The following KIF11 variants were observed in gnomAD, a reference collection of about 807,000 sequenced individuals.
KIF11 encodes the protein kinesin family member 11, also known as kinesin-like protein KIF11.
A neutral mutation model predicts 121.0 loss-of-function variants in KIF11; 9 were observed. The observed-to-expected ratio is 0.07, with a 90% CI of 0.04 to 0.13. The LOEUF (loss-of-function observed/expected upper bound fraction) is 0.13, where lower values mean the gene tolerates loss of function less well. KIF11 is among the 10% of genes least tolerant of loss of function. The pLI is 1.00. For synonymous variants in KIF11, 408 were observed against 421.0 expected (o/e 0.97, Z 0.38); for missense variants, 846 against 1,217.5 (o/e 0.69, Z 4.54).
chr10:92,604,632 G>T (rs1336521596), intron 1 of KIF11, among the ~76,000 whole-genome samples: 1 of 152,146 alleles, frequency 6.6e-6, no homozygotes, highest in Non-Finnish European at 1.5e-5. Flanking sequence ...TACTTAGAGT[G>T]GGCTGTGCCA....
rs1263182028 is a variant in KIF11 at position 92,631,779 on chromosome 10, G to A, written c.1495-707G>A. Among the ~76,000 whole-genome samples, 4 of 149,284 alleles carry A rather than the reference G, an allele frequency of 2.7e-5. No individual in the cohort carries two copies. The South Asian group carries it at 8.5e-4, about 32-fold the overall frequency. ...TAACCTTTGCCTCCCGGGTTCAAGC[G>A]ATTCTCCCGCCTCAGCCTCCCAAGT... On this transcript the variant is annotated intron_variant, in intron 12 of 21. Transcript: ENST00000260731.
rs1564704121 is a variant in KIF11 at position 92,606,319 on chromosome 10, T to A, written c.132T>A (p.Asp44Glu). The change falls in exon 2 of 22, where the codon GAT becomes GAA. Residue 44 changes from aspartate to glutamate, a missense_variant. Asp to Glu is a conservative substitution (Grantham distance 45). Around this residue, in one of 5 missense-constraint regions of KIF11, gnomAD observed 140 missense variants for 193.5 expected, o/e 0.72. Transcript: ENST00000260731. ...GCGCCCATTCAATAGTAGAATGTGATCCTGTACGAAAAGAAGTTAGTGTAC... is the reference window on the plus strand; with the variant it reads ...GCGCCCATTCAATAGTAGAATGTGAACCTGTACGAAAAGAAGTTAGTGTAC... ...KASAHSIVEC[D>E]PVRKEVSVRT... 4 of 1,611,700 alleles carry A rather than the reference T, an allele frequency of 2.5e-6. No individual in the cohort carries two copies. Among genetic ancestry groups the A allele is most frequent in the Non-Finnish European group, 3.4e-6 (4 of 1,179,416 alleles).
chr10:92,598,374 T>C (rs1037073668), intron 1 of KIF11, among the ~76,000 whole-genome samples: 3 of 152,256 alleles, frequency 2.0e-5, no homozygotes, highest in Non-Finnish European at 1.5e-5. Context: ...TTGAATGGTC[T>C]TGGCAACCTT....
chr10:92,604,036 T>C (rs1844404048), intron 1 of KIF11, among the ~76,000 whole-genome samples: 1 of 152,202 alleles, frequency 6.6e-6, no homozygotes, highest in African/African-American at 2.4e-5. Flanking sequence ...ACTTAGGTTT[T>C]TTTAATCCTC....
rs1472217858 is a variant in KIF11 at position 92,649,878 on chromosome 10, G to A, written c.2814G>A (p.Leu938=). 1 of 1,612,710 alleles carries A rather than the reference G, an allele frequency of 6.2e-7. No individual in the cohort carries two copies. Among genetic ancestry groups the A allele is most frequent in the Admixed American group, 1.7e-5 (1 of 59,992 alleles). ...QRKSYLYPST[L]VRTEPREHLL... ...AAAGTTATTTATACCCATCAACACTGGTAAGAACTGAACCACGTGAACATC... is the reference window on the plus strand; with the variant it reads ...AAAGTTATTTATACCCATCAACACTAGTAAGAACTGAACCACGTGAACATC... Residue 938 remains leucine (L), a synonymous_variant, in exon 20 of 22, where the codon CTG becomes CTA. Transcript: ENST00000260731.
intron 5 of KIF11, 60 bp from the exon 6 acceptor site, chr10:92,609,325 T>C: frequency 2.5e-6 from 4 of 1,569,986 alleles, no homozygotes; most frequent in Non-Finnish European, 3.5e-6. Flanking sequence ...TGTGTGTGTG[T>C]GTGTGTGTGT....
rs1320545653 is a variant in KIF11, at chr10:92,645,632, A to G, written c.2537A>G (p.Asn846Ser). ...SLNEREQELH[N>S]LLEVVSQCCE... ...AATGAAAGGGAACAGGAACTTCACA[A>G]CTTATTGGAGGTAATAACTTTGTAA... The change falls in exon 18 of 22, where the codon AAC becomes AGC. Residue 846 changes from asparagine to serine, a missense_variant. Asn to Ser is a conservative substitution (Grantham distance 46). Coordinates refer to ENST00000260731, the MANE Select transcript of KIF11 (RefSeq NM_004523.4). The G allele has an allele frequency of 6.3e-7, 1 of 1,588,612 alleles. No homozygotes were observed. Among genetic ancestry groups the G allele is most frequent in the Non-Finnish European group, 8.6e-7 (1 of 1,168,116 alleles).
chr10:92,613,608 C>T lies in KIF11; in HGVS notation c.1021C>T (p.Leu341Phe). The change falls in exon 8 of 22, where the codon CTC becomes TTC. Residue 341 changes from leucine to phenylalanine, a missense_variant. Physicochemically the swap from Leu to Phe is conservative, Grantham distance 22. Coordinates refer to ENST00000260731, the MANE Select transcript of KIF11 (RefSeq NM_004523.4). This position sits in a 1 kb window ranked among gnomAD's most constrained non-coding sequence, Gnocchi z 4.2. ...AATTGCAACAATTTCTCCTGCATCTCTCAATCTTGAGGTAAGCCCTTTGAA... is the reference window on the plus strand; with the variant it reads ...AATTGCAACAATTTCTCCTGCATCTTTCAATCTTGAGGTAAGCCCTTTGAA... ...SIIATISPAS[L>F]NLEETLSTLE... 1 of 1,612,568 alleles carries T rather than the reference C, an allele frequency of 6.2e-7. No individual in the cohort carries two copies. The highest frequency in any genetic ancestry group is 8.5e-7 in the Non-Finnish European group (1 of 1,179,208).
At chr10:92,628,774 T>C (rs1345166527) in intron 10 of KIF11, 34 bp from the exon 11 acceptor site, 1 of 1,165,914 alleles carries the variant, frequency 8.6e-7, no homozygotes, top group Non-Finnish European at 1.2e-6. Flanking sequence ...GAAAAAAATA[T>C]TAACTGTTAA....
At position 92,649,973 on chromosome 10, in the gene KIF11, A is replaced by G. The variant is rs776362784; in HGVS notation, c.2909A>G (p.Glu970Gly). The G allele has an allele frequency of 6.2e-7, 1 of 1,610,536 alleles. No individual in the cohort carries two copies. The highest frequency in any genetic ancestry group is 1.1e-5 in the South Asian group (1 of 90,750). ...CTAAACTGTTCAGAAAACAACAAAG[A>G]AGAGACAATTCCGGTAAATTTAAAG... ...MMLNCSENNK[E>G]ETIPDVDVEE... Residue 970 changes from glutamate to glycine, a missense_variant, in exon 20 of 22, where the codon GAA becomes GGA. This residue lies in a region of KIF11 where 492 missense variants were observed against 603.4 expected (regional missense o/e 0.82). Transcript: ENST00000260731.
At chr10:92,601,753 G>A (rs190654337) in intron 1 of KIF11, among the ~76,000 whole-genome samples, 81 of 149,342 alleles carry the variant, frequency 5.4e-4, no homozygotes, top group African/African-American at 1.9e-3. Context: ...TGTTTCCCAT[G>A]CTGATCCTGA....
At chr10:92,597,178 G>T in intron 1 of KIF11, 1 of 271,008 alleles carries the variant, frequency 3.7e-6, no homozygotes, top group South Asian at 4.8e-5. Flanking sequence ...CAAAGGATCT[G>T]ACAATGTATT....
chr10:92,629,004 G>A (rs1424628700), intron 11 of KIF11, 109 bp downstream of exon 11: 4 of 603,688 alleles, frequency 6.6e-6, no homozygotes, highest in Non-Finnish European at 1.2e-5. Flanking sequence ...TTTTTTAGAC[G>A]GAGTCTCGCT....
chr10:92,619,072 A>G (rs895290567), intron 9 of KIF11, among the ~76,000 whole-genome samples: 3 of 152,096 alleles, frequency 2.0e-5, no homozygotes, highest in Non-Finnish European at 4.4e-5. Flanking sequence ...GCTGGAGTGC[A>G]GTGGTGCGAT....
Position 92,613,736 on chromosome 10 carries a change from C to T in KIF11, c.1032+117C>T. The T allele has an allele frequency of 9.9e-7, 1 of 1,012,616 alleles. No homozygotes were observed. 62.7% of individuals were successfully genotyped at this position (1,012,616 alleles called of 1,614,324 possible). On this transcript the variant is annotated intron_variant, in intron 8 of 21. Transcript: ENST00000260731. The surrounding 1 kb of genome is among the most constrained non-coding windows in gnomAD (Gnocchi z 4.2). ...CAGTGACTCACACCTGTAAACCCAGCACTTTGGAAGTCCAAGGTGGGCGGA... is the reference window on the plus strand; with the variant it reads ...CAGTGACTCACACCTGTAAACCCAGTACTTTGGAAGTCCAAGGTGGGCGGA...
intron 6 of KIF11, 101 bp downstream of exon 6, chr10:92,609,610 G>A (rs375912660): frequency 1.4e-5 from 15 of 1,074,548 alleles, no homozygotes; most frequent in East Asian, 2.4e-5. Context: ...TGTGGGTCAC[G>A]TACCTAGAGT....
intron 10 of KIF11, among the ~76,000 whole-genome samples, chr10:92,626,916 C>T (rs1245974664): frequency 1.3e-5 from 2 of 152,028 alleles, no homozygotes; most frequent in South Asian, 2.1e-4. Context: ...CCCGCCACCA[C>T]GCCCTGCTAA....
At chr10:92,649,329 G>A (rs551533040) in intron 19 of KIF11, among the ~76,000 whole-genome samples, 8 of 152,158 alleles carry the variant, frequency 5.3e-5, no homozygotes, top group Admixed American at 2.0e-4. Flanking sequence ...GGCCTGATGC[G>A]GTGGCTCACA....
intron 1 of KIF11, among the ~76,000 whole-genome samples, chr10:92,601,748 C>G (rs1366100674): frequency 6.6e-6 from 1 of 150,554 alleles, no homozygotes; most frequent in African/African-American, 2.4e-5. Context: ...CGCTATGTTT[C>G]CCATGCTGAT....
Sources: gnomAD v4.1 joint callset for allele counts (sites outside exome capture counted in the v4.1 genomes callset) on GRCh38, gnomAD v4.1.1 for gene constraint, gnomAD v4.1.1 regional missense constraint, Gnocchi (gnomAD v3.1) non-coding constraint, MANE v1.5 for transcripts, NCBI Gene and HGNC (gene_info 2026-07-23, HGNC 2026-07-21) for gene names.